Variants in HNRNPLL observed in about 807,000 individuals in gnomAD.
HNRNPLL encodes the protein heterogeneous nuclear ribonucleoprotein L-like.
In HNRNPLL, 25 loss-of-function variants were observed where a neutral mutation model predicts 67.1. The observed-to-expected ratio is 0.37, with a 90% CI of 0.27 to 0.52. The LOEUF (loss-of-function observed/expected upper bound fraction) is 0.52, where lower values mean the gene tolerates loss of function less well. Ranked by LOEUF, HNRNPLL falls within the 20% of genes least tolerant of loss-of-function variation. The probability of loss-of-function intolerance (pLI) is 0.90; values close to 1 mark genes in which losing one functional copy is unlikely to be tolerated. For missense variants in HNRNPLL, 542 were observed against 673.9 expected, an observed-to-expected ratio of 0.80 and a Z score of 2.17; for synonymous variants, 267 against 241.7, an observed-to-expected ratio of 1.10 and a Z score of -0.97.
chr2:38,591,579 C>T lies in HNRNPLL; in HGVS notation c.259G>A (p.Val87Met). 1 of 1,613,964 alleles carries T rather than the reference C, an allele frequency of 6.2e-7. No homozygotes were observed. The highest frequency in any genetic ancestry group is 8.5e-7 in the Non-Finnish European group (1 of 1,179,814). ...GCTTCCACGAGGTCTGCTTCCACCA[C>T]AGATTCACAGAGTCCTCGAACATGG... The part of the protein sequence containing the change: ...VVHVRGLCES[V>M]VEADLVEALE... The change falls in exon 2 of 13, where the codon GTG becomes ATG. Residue 87 changes from valine to methionine, a missense_variant. By Grantham distance (21) the Val-to-Met change is conservative (BLOSUM62 1). Coordinates refer to ENST00000449105, the MANE Select transcript of HNRNPLL (RefSeq NM_138394.4).
At chr2:38,595,467 C>CA (rs555636813) in intron 1 of HNRNPLL, among the ~76,000 whole-genome samples, 52 of 151,528 alleles carry the variant, frequency 3.4e-4, no homozygotes, top group African/African-American at 9.4e-4. Flanking sequence ...TTAAATCTCT[C>CA]AAAAAAAATC....
intron 7 of HNRNPLL, among the ~76,000 whole-genome samples, chr2:38,575,787 T>G (rs943879875): frequency 6.6e-6 from 1 of 151,778 alleles, no homozygotes; most frequent in Non-Finnish European, 1.5e-5. Context: ...CATTTGTGAT[T>G]TGCAATATTT....
At chr2:38,579,803 G>C (rs1204337044) in intron 6 of HNRNPLL, among the ~76,000 whole-genome samples, 1 of 151,890 alleles carries the variant, frequency 6.6e-6, no homozygotes, top group Non-Finnish European at 1.5e-5. Context: ...CAACCTAACA[G>C]TTTCAATAGC....
Position 38,585,787 on chromosome 2 carries a change from G to T in HNRNPLL, c.403C>A (p.Pro135Thr). Residue 135 changes from proline to threonine, a missense_variant, in exon 3 of 13, where the codon CCC becomes ACC. Transcript: ENST00000449105. ...KECVTFAADE[P>T]VYIAGQQAFF... ...GCCTGTTGACCAGCAATGTACACGG[G>T]TTCATCTGCAGCAAATGTCACACAT... 6.2e-7 allele frequency: 1 copy of T among 1,613,522 alleles called. No individual in the cohort carries two copies. Among genetic ancestry groups the T allele is most frequent in the Non-Finnish European group, 8.5e-7 (1 of 1,179,538 alleles).
chr2:38,579,247 T>G (rs1387183905), intron 6 of HNRNPLL, among the ~76,000 whole-genome samples: 2 of 151,800 alleles, frequency 1.3e-5, no homozygotes, highest in African/African-American at 4.8e-5. Context: ...AATGAAGGAG[T>G]TAGAGTAGAT....
intron 12 of HNRNPLL, among the ~76,000 whole-genome samples, chr2:38,567,327 G>A (rs1016214628): frequency 6.6e-6 from 1 of 151,960 alleles, no homozygotes; most frequent in Non-Finnish European, 1.5e-5. Context: ...CATTGGCCAA[G>A]CTGGTCTCGA....
chr2:38,575,864 C>T (rs1432026988), intron 7 of HNRNPLL, among the ~76,000 whole-genome samples: 2 of 151,692 alleles, frequency 1.3e-5, no homozygotes, highest in East Asian at 3.9e-4. Context: ...ACTCATCTTA[C>T]TTCTCTTCTC....
intron 6 of HNRNPLL, 50 bp from the exon 7 acceptor site, chr2:38,577,582 A>C: frequency 8.9e-7 from 1 of 1,119,066 alleles, no homozygotes; most frequent in Non-Finnish European, 1.4e-6. Flanking sequence ...CCAAGTACTT[A>C]ATGGAGTTCT....
At chr2:38,594,177 A>C (rs1274950546) in intron 1 of HNRNPLL, among the ~76,000 whole-genome samples, 3 of 152,214 alleles carry the variant, frequency 2.0e-5, no homozygotes, top group Non-Finnish European at 4.4e-5. Context: ...TCCATCTCAA[A>C]AAAAAACCAA....
chr2:38,601,300 T>C (rs959737723), intron 1 of HNRNPLL, among the ~76,000 whole-genome samples: 4 of 151,464 alleles, frequency 2.6e-5, no homozygotes, highest in African/African-American at 9.7e-5. Context: ...CTGACCAGCC[T>C]TTTTTTTTAT....
At chr2:38,600,515 C>A (rs1490042697) in intron 1 of HNRNPLL, among the ~76,000 whole-genome samples, 4 of 151,906 alleles carry the variant, frequency 2.6e-5, no homozygotes, top group Non-Finnish European at 5.9e-5. Context: ...TCTCTTGAGC[C>A]CAGGAGTTAA....
At chr2:38,566,417 A>G (rs936933050) in intron 12 of HNRNPLL, among the ~76,000 whole-genome samples, 1 of 151,318 alleles carries the variant, frequency 6.6e-6, no homozygotes, top group Non-Finnish European at 1.5e-5. Context: ...TGTTACTATT[A>G]TGGAGACAAA....
At chr2:38,590,173 T>C (rs1572455217) in intron 2 of HNRNPLL, among the ~76,000 whole-genome samples, 3 of 152,328 alleles carry the variant, frequency 2.0e-5, no homozygotes, top group African/African-American at 7.2e-5. Flanking sequence ...GCCAAGTCAT[T>C]TACCTCTCAA....
At position 38,602,487 on chromosome 2, in the gene HNRNPLL, G is replaced by A. The variant is rs1426309027; in HGVS notation, c.140C>T (p.Pro47Leu). Residue 47 changes from proline to leucine, a missense_variant, in exon 1 of 13, where the codon CCC (proline) becomes CTC (leucine). By Grantham distance (98) the Pro-to-Leu change is moderately conservative (BLOSUM62 -3). This residue lies in a region of HNRNPLL where 127 missense variants were observed against 98.7 expected (regional missense o/e 1.29). Transcript: ENST00000449105. ...EEGENRREAT[P>L]RGGGDGGGGG... ...GCCGCCGCCATCGCCCCCGCCCCGG[G>A]GCGTCGCTTCCCGGCGGTTCTCGCC... 3 of 1,544,818 alleles carry A rather than the reference G, an allele frequency of 1.9e-6. No individual in the cohort carries two copies. The highest frequency in any genetic ancestry group is 4.9e-5 in the East Asian group (2 of 41,186).
chr2:38,592,551 C>G (rs1572458660), intron 1 of HNRNPLL, among the ~76,000 whole-genome samples: 1 of 152,334 alleles, frequency 6.6e-6, no homozygotes, highest in East Asian at 1.9e-4. Context: ...CTCAAAAATG[C>G]AAGCCCTCCT....
At chr2:38,566,553 T>C (rs1276260792) in intron 12 of HNRNPLL, among the ~76,000 whole-genome samples, 1 of 152,128 alleles carries the variant, frequency 6.6e-6, no homozygotes. Context: ...TGCTGAGCAA[T>C]GAATATTTTC....
chr2:38,602,899 C>G lies in HNRNPLL; in HGVS notation c.-273G>C. ...TCTCCCTCCTCCTCCTCCGTCTCCG[C>G]TCCCTGCCCGGAGGAGCGAATCTAA... On this transcript the variant is annotated 5_prime_UTR_variant, in exon 1 of 13. Coordinates refer to ENST00000449105, the MANE Select transcript of HNRNPLL (RefSeq NM_138394.4). 6.5e-7 allele frequency: 1 copy of G among 1,543,562 alleles called. No individual in the cohort carries two copies. The highest frequency in any genetic ancestry group is 2.0e-5 in the Admixed American group (1 of 50,892).
At chr2:38,602,254 G>A (rs996928905) in intron 1 of HNRNPLL, 184 bp downstream of exon 1, 3 of 581,006 alleles carry the variant, frequency 5.2e-6, no homozygotes, top group Admixed American at 8.1e-5. Flanking sequence ...CGCCGGGTTC[G>A]CAGTCGGGAT....
intron 6 of HNRNPLL, among the ~76,000 whole-genome samples, chr2:38,579,627 A>T (rs1247052754): frequency 2.0e-5 from 3 of 151,990 alleles, no homozygotes; most frequent in Non-Finnish European, 2.9e-5. Context: ...TACAGGTTCT[A>T]AGATTTCTGG....
Sources: allele counts gnomAD v4.1 joint callset (sites outside exome capture counted in the v4.1 genomes callset), GRCh38; gene constraint gnomAD v4.1.1; regional missense constraint gnomAD v4.1.1; transcripts MANE v1.5; gene names NCBI Gene and HGNC (gene_info 2026-07-23, HGNC 2026-07-21).